Variants in MEAF6 observed in about 807,000 individuals in gnomAD.
The protein encoded by MEAF6 is MYST/Esa1 associated factor 6.
In MEAF6, 15 loss-of-function variants were observed where a neutral mutation model predicts 28.9. That is an observed-to-expected ratio of 0.52 (90% CI 0.35 to 0.80). The LOEUF (loss-of-function observed/expected upper bound fraction) is 0.80. MEAF6 is among the 30% of genes least tolerant of loss of function. The pLI is 0.01. For missense variants in MEAF6, 178 were observed against 237.5 expected (o/e 0.75, Z 1.65); for synonymous variants, 97 against 88.7 (o/e 1.09, Z -0.53).
intron 4 of MEAF6, among the ~76,000 whole-genome samples, chr1:37,506,175 G>A (rs1253316184): frequency 6.6e-6 from 1 of 152,022 alleles, no homozygotes; most frequent in Non-Finnish European, 1.5e-5. Context: ...AGAGGCTGAG[G>A]CAAGAGAATC....
At position 37,493,766 on chromosome 1, in the gene MEAF6, G is replaced by A. The variant is rs1393409025; in HGVS notation, c.*333C>T. 2 of 1,548,792 alleles carry A rather than the reference G, an allele frequency of 1.3e-6. No homozygotes were observed. The highest frequency in any genetic ancestry group is 2.4e-5 in the East Asian group (1 of 40,914). On this transcript the variant is annotated 3_prime_UTR_variant, in exon 7 of 7. Transcript: ENST00000296214. Reference sequence around the variant, plus strand: ...AAAACCAGAGAACATTTCTTGAAGGGTATCACAGATGAAGCTGGTGCCAGC... The same window carrying A: ...AAAACCAGAGAACATTTCTTGAAGGATATCACAGATGAAGCTGGTGCCAGC...
intron 5 of MEAF6, among the ~76,000 whole-genome samples, chr1:37,499,946 C>A (rs758836754): frequency 1.3e-5 from 2 of 152,054 alleles, no homozygotes; most frequent in Non-Finnish European, 2.9e-5. Flanking sequence ...GGAAAAAGTC[C>A]CCGAAACTTT....
rs1245692895 is a variant in MEAF6 at position 37,492,115 on chromosome 1, G to A, written c.*1984C>T. ...ACTATCTCAGCTCACTGTAAGCTCCGCCTCCCAGGTTCATGCCATTCTCCT... is the reference window on the plus strand; with the variant it reads ...ACTATCTCAGCTCACTGTAAGCTCCACCTCCCAGGTTCATGCCATTCTCCT... On this transcript the variant is annotated 3_prime_UTR_variant, in exon 7 of 7. Coordinates refer to ENST00000296214, the MANE Select transcript of MEAF6 (RefSeq NM_001270875.3). Among the ~76,000 whole-genome samples the A allele has an allele frequency of 2.0e-5, 3 of 151,568 alleles. No homozygotes were observed. Among genetic ancestry groups the A allele is most frequent in the Non-Finnish European group, 2.9e-5 (2 of 67,958 alleles).
Position 37,501,999 on chromosome 1 carries a change from G to A in MEAF6, c.341-3C>T. Reference sequence around the variant, plus strand: ...TTCCGTCCCACTTCCTGGCTCCCCTGAAGGAAATAAAACACAAGTTTCCAA... The same window carrying A: ...TTCCGTCCCACTTCCTGGCTCCCCTAAAGGAAATAAAACACAAGTTTCCAA... On this transcript the variant is annotated splice_region_variant and splice_polypyrimidine_tract_variant and intron_variant, in intron 4 of 6. Coordinates refer to ENST00000296214, the MANE Select transcript of MEAF6 (RefSeq NM_001270875.3). The A allele has an allele frequency of 1.3e-6, 2 of 1,591,052 alleles. No individual in the cohort carries two copies. The highest frequency in any genetic ancestry group is 1.7e-6 in the Non-Finnish European group (2 of 1,163,638).
At chr1:37,501,632 T>C in intron 5 of MEAF6, 172 bp downstream of exon 5, 1 of 535,912 alleles carries the variant, frequency 1.9e-6, no homozygotes, top group Non-Finnish European at 3.3e-6. Flanking sequence ...GTTACTCTAA[T>C]GCCCACCAAT....
At chr1:37,495,720 CA>C (rs1310764454) in intron 6 of MEAF6, among the ~76,000 whole-genome samples, 164 bp downstream of exon 6, 1 of 86,552 alleles carries the variant, frequency 1.2e-5, no homozygotes, top group African/African-American at 3.9e-5. Flanking sequence ...AAAAAAAAAA[CA>C]AAAAAACCAC....
chr1:37,502,021 C>T (rs767127010), intron 4 of MEAF6, 25 bp from the exon 5 acceptor site: 1 of 1,577,096 alleles, frequency 6.3e-7, no homozygotes, highest in Non-Finnish European at 8.7e-7. Context: ...ACACAAGTTT[C>T]CAAATGCATC....
At position 37,491,696 on chromosome 1, in the gene MEAF6, C is replaced by CAATAAATAAATA. The variant is rs57369458; in HGVS notation, c.*2391_*2402dup. On this transcript the variant is annotated 3_prime_UTR_variant, in exon 7 of 7. Coordinates refer to ENST00000296214, the MANE Select transcript of MEAF6 (RefSeq NM_001270875.3). The stretch of plus-strand genomic sequence containing the variant: ...CCTGGGTGACAGAGCAAGATCCTGT[C>CAATAAATAAATA]AATAAATAAATAAATAAATAAATAA... Among the ~76,000 whole-genome samples the CAATAAATAAATA allele has an allele frequency of 1.1e-3, 162 of 142,534 alleles. 1 individual carries two copies. The highest frequency in any genetic ancestry group is 1.6e-3 in the South Asian group (7 of 4,460). 93.5% of individuals were successfully genotyped at this position (142,534 alleles called of 152,430 possible).
chr1:37,498,204 C>A (rs893536215), intron 5 of MEAF6, among the ~76,000 whole-genome samples: 11 of 152,280 alleles, frequency 7.2e-5, no homozygotes, highest in African/African-American at 2.2e-4. Flanking sequence ...ATGTCAATAT[C>A]TCTCACAAAA....
At chr1:37,501,542 A>T in intron 5 of MEAF6, 1 of 335,106 alleles carries the variant, frequency 3.0e-6, no homozygotes, top group Non-Finnish European at 5.4e-6. Flanking sequence ...CATATTCACC[A>T]TATGAAACAA....
chr1:37,503,750 G>A (rs1351595738), intron 4 of MEAF6, among the ~76,000 whole-genome samples: 1 of 151,622 alleles, frequency 6.6e-6, no homozygotes, highest in Non-Finnish European at 1.5e-5. Context: ...GATCACCTGA[G>A]GTCAGGAGTT....
intron 4 of MEAF6, among the ~76,000 whole-genome samples, chr1:37,504,928 G>C (rs1163782273): frequency 6.6e-6 from 1 of 151,824 alleles, no homozygotes; most frequent in Non-Finnish European, 1.5e-5. Flanking sequence ...GTCACGCCCA[G>C]GCTGGAGTAC....
At chr1:37,511,435 C>G (rs1483534813) in intron 2 of MEAF6, among the ~76,000 whole-genome samples, 1 of 152,192 alleles carries the variant, frequency 6.6e-6, no homozygotes. Flanking sequence ...AGATAAGAAT[C>G]AACGGTGTAT....
rs747634435 is a variant in MEAF6 at position 37,513,532 on chromosome 1, A to G, written c.97T>C (p.Leu33=). 5.0e-6 allele frequency: 8 copies of G among 1,612,792 alleles called. No individual in the cohort carries two copies. The highest frequency in any genetic ancestry group is 4.4e-5 in the South Asian group (4 of 91,070). Reference sequence around the variant, plus strand: ...TAGATCTGTCGCTCCAAATTTGCCAATGTTTCCTGAGAGATGAAAAACAAG... The same window carrying G: ...TAGATCTGTCGCTCCAAATTTGCCAGTGTTTCCTGAGAGATGAAAAACAAG... ...VKRKQELAET[L]ANLERQIYAF... Residue 33 remains leucine, a synonymous_variant, in exon 2 of 7, where the codon TTG becomes CTG. Transcript: ENST00000296214.
At chr1:37,506,396 G>C (rs1009943464) in intron 4 of MEAF6, among the ~76,000 whole-genome samples, 2 of 152,090 alleles carry the variant, frequency 1.3e-5, no homozygotes, top group Admixed American at 6.6e-5. Context: ...ATTTTTTTGA[G>C]ATAGGGTCTT....
In MEAF6 at chr1:37,493,210, A is replaced by G. The variant is rs1641996075; in HGVS notation, c.*889T>C. 1 of 152,388 alleles carries G rather than the reference A, an allele frequency of 6.6e-6. No homozygotes were observed. 9.4% of individuals were successfully genotyped at this position (152,388 alleles called of 1,614,324 possible). A position where few individuals can be genotyped will look rare whatever the true frequency, so the allele number is the denominator to read the frequency against. ...TAGAGCAATATTTAATCAGGTGAATACCAGCAAAGAGAGAAAATACAGAAA... is the reference window on the plus strand; with the variant it reads ...TAGAGCAATATTTAATCAGGTGAATGCCAGCAAAGAGAGAAAATACAGAAA... On this transcript the variant is annotated 3_prime_UTR_variant, in exon 7 of 7. Coordinates refer to ENST00000296214, the MANE Select transcript of MEAF6 (RefSeq NM_001270875.3).
At chr1:37,503,139 G>A (rs1642369545) in intron 4 of MEAF6, among the ~76,000 whole-genome samples, 2 of 151,690 alleles carry the variant, frequency 1.3e-5, no homozygotes, top group African/African-American at 4.9e-5. Flanking sequence ...GTCTTACTAT[G>A]TTGCCCAGGC....
At chr1:37,498,409 T>TTTATTATTATTATTATTA (rs35576307) in intron 5 of MEAF6, among the ~76,000 whole-genome samples, 1 of 122,538 alleles carries the variant, frequency 8.2e-6, no homozygotes, top group Non-Finnish European at 1.9e-5. Context: ...TATGTTATTT[T>TTTATTATTATTATTATTA]TTATTATTAT....
chr1:37,494,950 ATTAGAGCACC>A (rs1000572228), intron 6 of MEAF6, among the ~76,000 whole-genome samples: 2 of 152,058 alleles, frequency 1.3e-5, no homozygotes, highest in African/African-American at 4.8e-5. Context: ...TTTTGCTCTT[ATTAGAGCACC>A]TGAATTCACC....
Sources: gnomAD v4.1 joint callset for allele counts (sites outside exome capture counted in the v4.1 genomes callset) on GRCh38, gnomAD v4.1.1 for gene constraint, MANE v1.5 for transcripts, NCBI Gene and HGNC (gene_info 2026-07-23, HGNC 2026-07-21) for gene names.